The following EFCAB14 variants were observed in gnomAD, a reference collection of about 807,000 sequenced individuals.
EFCAB14 encodes EF-hand calcium binding domain 14.
EFCAB14 carries 43 observed loss-of-function variants against 56.5 expected under a neutral mutation model. That is an observed-to-expected ratio of 0.76 (90% CI 0.60 to 0.98). The LOEUF (loss-of-function observed/expected upper bound fraction) is 0.98. Among genes scored for constraint, EFCAB14 ranks in the 50% least tolerant of loss-of-function variants. The probability of loss-of-function intolerance (pLI) is 0.00; values close to 1 mark genes in which losing one functional copy is unlikely to be tolerated. For missense variants in EFCAB14, 538 were observed against 580.3 expected (o/e 0.93, Z 0.75); for synonymous variants, 235 against 212.9 (o/e 1.10, Z -0.90).
chr1:46,685,415 C>G (rs1455495816), intron 8 of EFCAB14, among the ~76,000 whole-genome samples: 7 of 152,104 alleles, frequency 4.6e-5, no homozygotes, highest in Admixed American at 3.9e-4. Flanking sequence ...ATTTACTTTT[C>G]TTGTATAAGT....
At chr1:46,700,963 G>A (rs1677145122) in intron 3 of EFCAB14, among the ~76,000 whole-genome samples, 2 of 94,790 alleles carry the variant, frequency 2.1e-5, no homozygotes, top group South Asian at 4.4e-4. Flanking sequence ...GCATGAGAGA[G>A]AGAGAGAGAG....
chr1:46,687,078 C>T (rs1446104119), intron 7 of EFCAB14: 1 of 591,776 alleles, frequency 1.7e-6, no homozygotes, highest in East Asian at 2.8e-5. Context: ...CTAGCTGTTT[C>T]AGTCACAAAC....
chr1:46,702,789 T>G (rs11801744), intron 3 of EFCAB14, among the ~76,000 whole-genome samples: 15,256 of 152,138 alleles, frequency 0.1, 2,015 homozygotes, highest in East Asian at 0.39. Flanking sequence ...AAGCATCACA[T>G]AAGGTATTTG....
chr1:46,688,532 G>A lies in EFCAB14; in HGVS notation c.808C>T (p.Leu270Phe), dbSNP rs542845933. 6.2e-7 allele frequency: 1 copy of A among 1,612,938 alleles called. No individual in the cohort carries two copies. Among genetic ancestry groups the A allele is most frequent in the African/African-American group, 1.3e-5 (1 of 74,966 alleles). The change falls in exon 7 of 11, where the codon CTT becomes TTT. Residue 270 changes from leucine to phenylalanine, a missense_variant. Transcript: ENST00000371933. ...TTTACCTCCTCTAAAGAGTTGTGAA[G>A]GTACAGGATATCCTAGAGTGGAAAT... The part of the protein sequence containing the change: ...SENLKQDILY[L>F]HNSLEEVNSA...
intron 10 of EFCAB14, among the ~76,000 whole-genome samples, chr1:46,680,166 A>C (rs1008958720): frequency 1.3e-5 from 2 of 152,196 alleles, no homozygotes; most frequent in Non-Finnish European, 2.9e-5. Context: ...TTCCTCAAAA[A>C]GTTAGGGCTA....
At chr1:46,714,316 G>A (rs184101851) in intron 2 of EFCAB14, among the ~76,000 whole-genome samples, 12 of 151,782 alleles carry the variant, frequency 7.9e-5, no homozygotes, top group African/African-American at 2.9e-4. Flanking sequence ...CTTGTGGTCA[G>A]TTTCCTGGTG....
At chr1:46,704,654 G>A (rs1047008605) in intron 3 of EFCAB14, among the ~76,000 whole-genome samples, 6 of 152,038 alleles carry the variant, frequency 3.9e-5, no homozygotes, top group East Asian at 1.9e-4. Flanking sequence ...CGTAGTCTAC[G>A]ATATTTTGTT....
intron 3 of EFCAB14, among the ~76,000 whole-genome samples, chr1:46,701,525 C>T (rs982343679): frequency 6.6e-6 from 1 of 152,232 alleles, no homozygotes; most frequent in Non-Finnish European, 1.5e-5. Flanking sequence ...GTTCCAACCT[C>T]CTGAGGCTAT....
Position 46,708,023 on chromosome 1 carries a change from T to C in EFCAB14, c.363A>G (p.Gln121=). 3.1e-6 allele frequency: 5 copies of C among 1,612,454 alleles called. No homozygotes were observed. Among genetic ancestry groups the C allele is most frequent in the Non-Finnish European group, 4.2e-6 (5 of 1,179,642 alleles). ...GTTCTTCATTAAGTTTGGGGATTTC[T>C]TGGAATGAGCTTTTCTGATTAGATT... ...TMESNQKSSF[Q]EIPKLNEELL... Residue 121 remains glutamine (Q), a synonymous_variant, in exon 3 of 11, where the codon CAA becomes CAG. Coordinates refer to ENST00000371933, the MANE Select transcript of EFCAB14 (RefSeq NM_014774.3).
intron 3 of EFCAB14, among the ~76,000 whole-genome samples, chr1:46,703,523 C>T (rs1217080979): frequency 6.6e-6 from 1 of 152,126 alleles, no homozygotes; most frequent in African/African-American, 2.4e-5. Context: ...AACCCACAGC[C>T]AGCAGAACCA....
intron 10 of EFCAB14, among the ~76,000 whole-genome samples, chr1:46,680,169 T>C (rs1039116303): frequency 6.6e-6 from 1 of 152,184 alleles, no homozygotes; most frequent in African/African-American, 2.4e-5. Context: ...CTCAAAAAGT[T>C]AGGGCTATCA....
chr1:46,684,669 T>C, intron 8 of EFCAB14, 67 bp from the exon 9 acceptor site: 2 of 1,299,272 alleles, frequency 1.5e-6, no homozygotes, highest in Non-Finnish European at 2.2e-6. Flanking sequence ...GTCCACTGTA[T>C]TCCCAGAGCC....
intron 2 of EFCAB14, among the ~76,000 whole-genome samples, chr1:46,715,775 C>T (rs1037312302): frequency 1.8e-4 from 28 of 152,004 alleles, no homozygotes; most frequent in Admixed American, 2.0e-4. Flanking sequence ...TAAGCACTGC[C>T]TTTTATTTGT....
intron 3 of EFCAB14, 151 bp from the exon 4 acceptor site, chr1:46,696,800 G>A: frequency 4.4e-6 from 3 of 676,602 alleles, no homozygotes; most frequent in Non-Finnish European, 4.9e-6. Flanking sequence ...AAAGGAGACA[G>A]TACTTTGGAT....
intron 5 of EFCAB14, among the ~76,000 whole-genome samples, chr1:46,690,179 T>C (rs1676968774): frequency 6.6e-6 from 1 of 152,238 alleles, no homozygotes; most frequent in Non-Finnish European, 1.5e-5. Context: ...GTTTTTCCCT[T>C]ATAGCATTAT....
At chr1:46,702,704 G>A (rs914913093) in intron 3 of EFCAB14, among the ~76,000 whole-genome samples, 3 of 152,132 alleles carry the variant, frequency 2.0e-5, no homozygotes, top group African/African-American at 4.8e-5. Context: ...CATTGCCATC[G>A]TTTTCTTTAT....
chr1:46,709,376 T>C (rs1195408865), intron 2 of EFCAB14, among the ~76,000 whole-genome samples: 1 of 151,944 alleles, frequency 6.6e-6, no homozygotes. Context: ...GTCTCTTCTT[T>C]ATTTCTACCA....
chr1:46,689,644 C>T lies in EFCAB14; in HGVS notation c.738G>A (p.Pro246=), dbSNP rs746732151. 14 of 1,613,730 alleles carry T rather than the reference C, an allele frequency of 8.7e-6. No homozygotes were observed. The highest frequency in any genetic ancestry group is 3.3e-5 in the Admixed American group (2 of 59,982). The part of the protein sequence containing the change: ...KETPGSNQII[P]SPSATSELDN... ...CAAGTTCTGATGTGGCTGAAGGTGACGGAATGATCTGGTTGCTTCCAGGAG... is the reference window on the plus strand; with the variant it reads ...CAAGTTCTGATGTGGCTGAAGGTGATGGAATGATCTGGTTGCTTCCAGGAG... The change falls in exon 6 of 11, where the codon CCG becomes CCA. Residue 246 remains proline (P), a synonymous_variant. Coordinates refer to ENST00000371933, the MANE Select transcript of EFCAB14 (RefSeq NM_014774.3).
chr1:46,708,938 C>T (rs1175213662), intron 2 of EFCAB14, among the ~76,000 whole-genome samples: 1 of 137,206 alleles, frequency 7.3e-6, no homozygotes, highest in African/African-American at 2.9e-5. Context: ...AGAATAAAAC[C>T]TACATCCTTT....
Sources: allele counts gnomAD v4.1 joint callset (sites outside exome capture counted in the v4.1 genomes callset), GRCh38; gene constraint gnomAD v4.1.1; transcripts MANE v1.5; gene names NCBI Gene and HGNC (gene_info 2026-07-23, HGNC 2026-07-21).